Variants in DYRK1A observed in about 807,000 individuals in gnomAD.
The protein encoded by DYRK1A is dual specificity tyrosine phosphorylation regulated kinase 1A, also known as dual specificity tyrosine-phosphorylation-regulated kinase 1A.
In DYRK1A, 9 loss-of-function variants were observed where a neutral mutation model predicts 79.7. That is an observed-to-expected ratio of 0.11 (90% CI 0.07 to 0.20). The LOEUF is 0.20. DYRK1A is among the 10% of genes least tolerant of loss of function. The pLI, the probability that DYRK1A is intolerant of heterozygous loss-of-function variation, is 1.00. For missense variants in DYRK1A, 622 were observed against 956.0 expected (o/e 0.65, Z 4.61); for synonymous variants, 349 against 329.7 (o/e 1.06, Z -0.63).
chr21:37,369,953 T>G (rs1308042020), intron 1 of DYRK1A, among the ~76,000 whole-genome samples: 1 of 152,222 alleles, frequency 6.6e-6, no homozygotes, highest in Non-Finnish European at 1.5e-5. Context: ...CATTCCATAT[T>G]AGTGTAATGT....
chr21:37,452,566 G>C (rs1024006454), intron 2 of DYRK1A, among the ~76,000 whole-genome samples: 3 of 152,154 alleles, frequency 2.0e-5, no homozygotes, highest in Non-Finnish European at 4.4e-5. Flanking sequence ...TTCTATAGCA[G>C]TGAGTGCTCC....
At chr21:37,420,251 T>G in intron 1 of DYRK1A, 48 bp from the exon 2 acceptor site, 1 of 643,552 alleles carries the variant, frequency 1.6e-6, no homozygotes, top group Non-Finnish European at 2.6e-6. Flanking sequence ...GTTGGGGTAA[T>G]TGTCTTGCAT....
chr21:37,412,685 A>G (rs936006392), intron 1 of DYRK1A, among the ~76,000 whole-genome samples: 2 of 152,172 alleles, frequency 1.3e-5, no homozygotes, highest in African/African-American at 4.8e-5. Context: ...AATGGATAGG[A>G]TTTAGTAAGA....
chr21:37,519,742 T>TTTGTTTTTTTTTTTTTTG lies in DYRK1A; in HGVS notation c.*7213_*7214insGTTTTTTTTTTTTTTGTT, dbSNP rs1569413753. 2 of 127,042 alleles carry TTTGTTTTTTTTTTTTTTG rather than the reference T, an allele frequency of 1.6e-5. No homozygotes were observed. The highest frequency in any genetic ancestry group is 7.3e-5 in the African/African-American group (2 of 27,428). The allele number at this position is 127,042 out of a possible 1,614,324, so 7.9% of individuals were successfully genotyped here. A position where few individuals can be genotyped will look rare whatever the true frequency, so the allele number is the denominator to read the frequency against. ...TTGAGGTTTGTTGTGGGAAGTTTTT[T>TTTGTTTTTTTTTTTTTTG]TTTTTTTTTTTTTTTTTGAGGCGGA... On this transcript the variant is annotated 3_prime_UTR_variant, in exon 12 of 12. Transcript: ENST00000647188.
At chr21:37,456,775 A>G (rs1024782616) in intron 2 of DYRK1A, among the ~76,000 whole-genome samples, 5 of 152,112 alleles carry the variant, frequency 3.3e-5, no homozygotes, top group East Asian at 3.9e-4. Flanking sequence ...GTACAATGCA[A>G]TACATGCTGG....
At chr21:37,381,637 A>G (rs2049660421) in intron 1 of DYRK1A, among the ~76,000 whole-genome samples, 2 of 152,310 alleles carry the variant, frequency 1.3e-5, no homozygotes, top group South Asian at 4.1e-4. Flanking sequence ...CATATCGAAT[A>G]TAAGTGCTAT....
At chr21:37,478,073 A>T in intron 3 of DYRK1A, 135 bp from the exon 4 acceptor site, 2 of 1,169,790 alleles carry the variant, frequency 1.7e-6, no homozygotes, top group Middle Eastern at 2.0e-4. Context: ...GAGAGAATGT[A>T]TAATCATCTA....
At chr21:37,390,487 C>T (rs559266296) in intron 1 of DYRK1A, among the ~76,000 whole-genome samples, 102 of 152,254 alleles carry the variant, frequency 6.7e-4, no homozygotes, top group African/African-American at 2.4e-3. Flanking sequence ...TGACTCCATT[C>T]CGTTTTTGGC....
chr21:37,505,140 G>A, intron 9 of DYRK1A, 143 bp from the exon 10 acceptor site: 1 of 674,338 alleles, frequency 1.5e-6, no homozygotes, highest in Non-Finnish European at 2.5e-6. Context: ...AGTAATGTGT[G>A]AAAAGGCAGA....
chr21:37,394,648 C>A (rs939885655), intron 1 of DYRK1A, among the ~76,000 whole-genome samples: 2 of 152,130 alleles, frequency 1.3e-5, no homozygotes, highest in African/African-American at 4.8e-5. Flanking sequence ...GTGAACTGCA[C>A]ATGTGAGGGA....
chr21:37,480,552 A>C, intron 4 of DYRK1A, 86 bp from the exon 5 acceptor site: 1 of 1,051,890 alleles, frequency 9.5e-7, no homozygotes, highest in Non-Finnish European at 1.4e-6. Flanking sequence ...AACTGTAGAA[A>C]ATAGGTGTGT....
At chr21:37,485,401 C>G (rs1386388981) in intron 5 of DYRK1A, among the ~76,000 whole-genome samples, 1 of 152,034 alleles carries the variant, frequency 6.6e-6, no homozygotes. Context: ...TGAGTGAAAC[C>G]AGAGATTAGT....
At chr21:37,434,236 G>A (rs2050858816) in intron 2 of DYRK1A, among the ~76,000 whole-genome samples, 2 of 152,098 alleles carry the variant, frequency 1.3e-5, no homozygotes, top group South Asian at 2.1e-4. Context: ...TTCTGGAGAC[G>A]TTTATAGACA....
At chr21:37,416,319 T>C (rs921274978) in intron 1 of DYRK1A, among the ~76,000 whole-genome samples, 13 of 140,712 alleles carry the variant, frequency 9.2e-5, no homozygotes, top group Non-Finnish European at 1.5e-4. Flanking sequence ...GTTTTGGCCT[T>C]TTTTTTTTTT....
chr21:37,511,887 C>T, intron 11 of DYRK1A, 24 bp from the exon 12 acceptor site: 1 of 1,599,868 alleles, frequency 6.3e-7, no homozygotes, highest in Non-Finnish European at 8.5e-7. Flanking sequence ...TCTGAAAAAT[C>T]CTTTTAAAAA....
intron 9 of DYRK1A, among the ~76,000 whole-genome samples, chr21:37,499,544 A>G (rs2053377053): frequency 6.6e-6 from 1 of 152,114 alleles, no homozygotes; most frequent in South Asian, 2.1e-4. Flanking sequence ...TAAGTCTTCC[A>G]CTCTGTAAAG....
chr21:37,480,009 A>T (rs1393571507), intron 4 of DYRK1A, among the ~76,000 whole-genome samples: 1 of 152,094 alleles, frequency 6.6e-6, no homozygotes, highest in East Asian at 1.9e-4. Flanking sequence ...AAGAGGCCAT[A>T]GCTGTTTTTC....
At chr21:37,405,197 C>T (rs2050126108) in intron 1 of DYRK1A, among the ~76,000 whole-genome samples, 1 of 152,060 alleles carries the variant, frequency 6.6e-6, no homozygotes, top group African/African-American at 2.4e-5. Flanking sequence ...AGTTGAACCC[C>T]GCTTCCCACC....
At chr21:37,429,648 A>G (rs143714662) in intron 2 of DYRK1A, among the ~76,000 whole-genome samples, 21 of 152,342 alleles carry the variant, frequency 1.4e-4, no homozygotes, top group African/African-American at 1.7e-4. Context: ...CTCTCCTCCA[A>G]CATTGAGAAT....
Sources: allele counts gnomAD v4.1 joint callset (sites outside exome capture counted in the v4.1 genomes callset), GRCh38; gene constraint gnomAD v4.1.1; transcripts MANE v1.5; gene names NCBI Gene and HGNC (gene_info 2026-07-23, HGNC 2026-07-21).